PAFAH1B1: variants seen among roughly 807,000 people sequenced by gnomAD.
PAFAH1B1 encodes the protein platelet-activating factor acetylhydrolase IB subunit beta.
Under a neutral mutation model 57.5 loss-of-function variants are expected in PAFAH1B1, and 2 were observed. The ratio of observed to expected loss-of-function variants is 0.03; its 90% CI spans 0.01 to 0.11. The LOEUF is 0.11. Ranked by LOEUF, PAFAH1B1 falls within the 10% of genes least tolerant of loss-of-function variation. The pLI is 1.00. For missense variants in PAFAH1B1, 257 were observed against 512.0 expected (o/e 0.50, Z 4.81); for synonymous variants, 152 against 169.6 (o/e 0.90, Z 0.81).
At chr17:2,629,388 G>A (rs964277982) in intron 1 of PAFAH1B1, among the ~76,000 whole-genome samples, 25 of 152,144 alleles carry the variant, frequency 1.6e-4, no homozygotes, top group Non-Finnish European at 2.5e-4. Context: ...TAATTTCCAT[G>A]TATTTGCATG....
At chr17:2,655,933 G>A (rs1476430858) in intron 2 of PAFAH1B1, among the ~76,000 whole-genome samples, 1 of 151,994 alleles carries the variant, frequency 6.6e-6, no homozygotes, top group Non-Finnish European at 1.5e-5. Context: ...GTTTTGTTTT[G>A]TTTGTTTTGA....
intron 1 of PAFAH1B1, among the ~76,000 whole-genome samples, chr17:2,603,971 C>T (rs548424238): frequency 2.2e-3 from 329 of 152,154 alleles, no homozygotes; most frequent in African/African-American, 7.7e-3. Flanking sequence ...CTCCTGACCC[C>T]GTGATCCTCC....
chr17:2,604,630 G>A (rs1379250767), intron 1 of PAFAH1B1, among the ~76,000 whole-genome samples: 1 of 152,120 alleles, frequency 6.6e-6, no homozygotes, highest in African/African-American at 2.4e-5. Context: ...GGCTAACATG[G>A]TGAAGCCCTA....
intron 1 of PAFAH1B1, among the ~76,000 whole-genome samples, chr17:2,599,798 C>T (rs2068119396): frequency 6.6e-6 from 1 of 151,898 alleles, no homozygotes; most frequent in South Asian, 2.1e-4. Context: ...TTTTGGGGCT[C>T]TTATGTTGAC....
At chr17:2,611,805 AGT>A (rs1183373891) in intron 1 of PAFAH1B1, among the ~76,000 whole-genome samples, 3 of 152,206 alleles carry the variant, frequency 2.0e-5, no homozygotes, top group Non-Finnish European at 4.4e-5. Flanking sequence ...CACAATGAAC[AGT>A]GTGTCAAGGG....
At chr17:2,641,810 G>C (rs1405681419) in intron 2 of PAFAH1B1, 1 of 152,122 alleles carries the variant, frequency 6.6e-6, no homozygotes, top group African/African-American at 2.4e-5. Flanking sequence ...GGCCCTTTAA[G>C]TAGACAGAGG....
At chr17:2,597,976 G>GTGGCTCA (rs1203103511) in intron 1 of PAFAH1B1, among the ~76,000 whole-genome samples, 2 of 152,008 alleles carry the variant, frequency 1.3e-5, no homozygotes, top group Admixed American at 6.6e-5. Context: ...GCCAGACATG[G>GTGGCTCA]TGGCTCACAC....
intron 1 of PAFAH1B1, among the ~76,000 whole-genome samples, chr17:2,631,347 T>A (rs1597535588): frequency 6.6e-6 from 1 of 152,322 alleles, no homozygotes; most frequent in East Asian, 1.9e-4. Context: ...CTGTGAAGTC[T>A]GCATGCCGGA....
At chr17:2,642,331 C>T (rs1228398245) in intron 2 of PAFAH1B1, 1 of 152,174 alleles carries the variant, frequency 6.6e-6, no homozygotes, top group Admixed American at 6.6e-5. Flanking sequence ...GACAGTTCCA[C>T]ACCTGACTGA....
intron 2 of PAFAH1B1, among the ~76,000 whole-genome samples, chr17:2,661,393 T>C (rs2069011226): frequency 6.6e-6 from 1 of 152,230 alleles, no homozygotes; most frequent in South Asian, 2.1e-4. Context: ...TAACCAGTTT[T>C]TTGAGCACCA....
In PAFAH1B1 at chr17:2,667,310, G is replaced by T; in HGVS notation, c.399+112G>T. The T allele has an allele frequency of 5.2e-6, 4 of 770,024 alleles. No individual in the cohort carries two copies. The South Asian group carries it at 5.6e-5, about 11-fold the overall frequency. 47.7% of individuals were successfully genotyped at this position (770,024 alleles called of 1,614,324 possible). Reference sequence around the variant, plus strand: ...GATTGCACCACTGCACTCCAGCCTGGGCGACAGAGCCACACTCTGTCTCAA... The same window carrying T: ...GATTGCACCACTGCACTCCAGCCTGTGCGACAGAGCCACACTCTGTCTCAA... On this transcript the variant is annotated intron_variant, in intron 5 of 10. Coordinates refer to ENST00000397195, the MANE Select transcript of PAFAH1B1 (RefSeq NM_000430.4).
chr17:2,632,535 T>C (rs1597536578), intron 1 of PAFAH1B1, among the ~76,000 whole-genome samples: 1 of 152,344 alleles, frequency 6.6e-6, no homozygotes, highest in African/African-American at 2.4e-5. Flanking sequence ...CTAGATTTTG[T>C]TGATTGTATC....
intron 1 of PAFAH1B1, among the ~76,000 whole-genome samples, chr17:2,620,926 A>G (rs1217436366): frequency 1.3e-5 from 2 of 152,206 alleles, no homozygotes; most frequent in African/African-American, 4.8e-5. Context: ...AATTGTAGGC[A>G]AAACATCTTT....
At chr17:2,665,051 A>G (rs879262497) in intron 2 of PAFAH1B1, among the ~76,000 whole-genome samples, 3 of 152,208 alleles carry the variant, frequency 2.0e-5, no homozygotes, top group Non-Finnish European at 4.4e-5. Flanking sequence ...ACAGAGCCAT[A>G]GCTTGATCTA....
chr17:2,664,665 G>GCTCGCTCTCTCTCTCTCTCTCTCTCTCT (rs1555526142), intron 2 of PAFAH1B1, among the ~76,000 whole-genome samples: 2 of 86,026 alleles, frequency 2.3e-5, no homozygotes, highest in Non-Finnish European at 5.3e-5. Context: ...TCTATCTATC[G>GCTCGCTCTCTCTCTCTCTCTCTCTCTCT]CTCTCTCTCT....
chr17:2,680,084 A>C, intron 9 of PAFAH1B1, 80 bp from the exon 10 acceptor site: 2 of 1,245,314 alleles, frequency 1.6e-6, no homozygotes, highest in Non-Finnish European at 2.4e-6. Context: ...TTTGGTATGT[A>C]TAGTTTTATC....
intron 1 of PAFAH1B1, among the ~76,000 whole-genome samples, chr17:2,616,617 T>G (rs2068344428): frequency 6.6e-6 from 1 of 152,236 alleles, no homozygotes; most frequent in South Asian, 2.1e-4. Flanking sequence ...CTGACTTAAA[T>G]GTTAATTGTA....
Position 2,671,925 on chromosome 17 carries a change from A to G in PAFAH1B1, c.569-730A>G, listed in dbSNP as rs1032951207. 7.2e-5 allele frequency among the ~76,000 whole-genome samples: 11 copies of G among 152,134 alleles called. No homozygotes were observed. The East Asian group carries it at 1.5e-3, about 21-fold the overall frequency. On this transcript the variant is annotated intron_variant, in intron 6 of 10. Transcript: ENST00000397195. ...GCCCACCATTTTAAACAGAGAACCAATTCCCCATTTTTTGTATCCATTTGC... is the reference window on the plus strand; with the variant it reads ...GCCCACCATTTTAAACAGAGAACCAGTTCCCCATTTTTTGTATCCATTTGC...
At chr17:2,649,651 G>GT (rs1162043301) in intron 2 of PAFAH1B1, among the ~76,000 whole-genome samples, 7 of 152,278 alleles carry the variant, frequency 4.6e-5, no homozygotes, top group African/African-American at 1.7e-4. Flanking sequence ...GGATGAAAAA[G>GT]TCAGTATTGG....
Sources: gnomAD v4.1 joint callset for allele counts (sites outside exome capture counted in the v4.1 genomes callset) on GRCh38, gnomAD v4.1.1 for gene constraint, MANE v1.5 for transcripts, NCBI Gene and HGNC (gene_info 2026-07-23, HGNC 2026-07-21) for gene names.